Variants in ARHGAP6 observed in about 807,000 individuals in gnomAD.
ARHGAP6 encodes the protein Rho GTPase activating protein 6.
ARHGAP6 carries 16 observed loss-of-function variants against 55.7 expected under a neutral mutation model. The observed-to-expected ratio is 0.29, with a 90% CI of 0.19 to 0.44. The LOEUF is 0.44. Among genes scored for constraint, ARHGAP6 ranks in the 20% least tolerant of loss-of-function variants. ARHGAP6 has a pLI of 1.00. For missense variants in ARHGAP6, 698 were observed against 808.9 expected (o/e 0.86, Z 1.66); for synonymous variants, 382 against 360.9 (o/e 1.06, Z -0.66).
chrX:11,422,771 G>T (rs950486825), intron 1 of ARHGAP6, among the ~76,000 whole-genome samples: 2 of 112,516 alleles, frequency 1.8e-5, no homozygotes, highest in Non-Finnish European at 3.8e-5. Flanking sequence ...CTAGGCAAAG[G>T]GTGGTAATTG....
At chrX:11,475,389 A>T (rs1288223146) in intron 1 of ARHGAP6, among the ~76,000 whole-genome samples, 2 of 110,319 alleles carry the variant, frequency 1.8e-5, no homozygotes, top group African/African-American at 6.6e-5. Context: ...TTATTACTGA[A>T]TTTTTTCCTA....
intron 1 of ARHGAP6, among the ~76,000 whole-genome samples, chrX:11,450,255 C>A (rs2050132772): frequency 9.5e-6 from 1 of 105,703 alleles, no homozygotes; most frequent in Non-Finnish European, 1.9e-5. Context: ...CTTTTGCTAT[C>A]TATTGTATGT....
chrX:11,651,317 G>A (rs1328637344), intron 1 of ARHGAP6, among the ~76,000 whole-genome samples: 1 of 111,252 alleles, frequency 9.0e-6, no homozygotes, highest in Non-Finnish European at 1.9e-5. Flanking sequence ...AGGCCCCAGT[G>A]TCTGTTGTTC....
intron 1 of ARHGAP6, among the ~76,000 whole-genome samples, chrX:11,663,804 C>T (rs1401635876): frequency 8.9e-6 from 1 of 112,249 alleles, no homozygotes; most frequent in African/African-American, 3.2e-5. Flanking sequence ...GTCAATGACA[C>T]CCTCCAAAAT....
At chrX:11,243,829 C>T (rs1386168938) in intron 2 of ARHGAP6, among the ~76,000 whole-genome samples, 3 of 112,114 alleles carry the variant, frequency 2.7e-5, no homozygotes, top group African/African-American at 9.7e-5. Flanking sequence ...CATTGCATTC[C>T]AATTACCTAC....
intron 1 of ARHGAP6, among the ~76,000 whole-genome samples, chrX:11,486,730 TGGCATGAAGAG>T (rs1944758663): frequency 9.0e-6 from 1 of 111,447 alleles, no homozygotes; most frequent in South Asian, 3.8e-4. Context: ...CAAGCCCAAG[TGGCATGAAGAG>T]GGCATCCACA....
At chrX:11,348,594 T>C (rs2048817276) in intron 1 of ARHGAP6, among the ~76,000 whole-genome samples, 1 of 112,089 alleles carries the variant, frequency 8.9e-6, no homozygotes, top group African/African-American at 3.2e-5. Context: ...AATAAAATAA[T>C]AAGCACCTTG....
At chrX:11,190,522 T>TAC (rs3030651) in intron 3 of ARHGAP6, among the ~76,000 whole-genome samples, 16,769 of 104,186 alleles carry the variant, frequency 0.16, 1,203 homozygotes, top group Middle Eastern at 0.22. Context: ...TACACATACA[T>TAC]ACACACACAC....
At chrX:11,174,631 C>CTTTCT (rs2046167420) in intron 8 of ARHGAP6, among the ~76,000 whole-genome samples, 1 of 27,076 alleles carries the variant, frequency 3.7e-5, no homozygotes, top group Non-Finnish European at 6.4e-5. Flanking sequence ...TCTTTTCTTT[C>CTTTCT]TTTCTTTCTT....
Position 11,491,803 on chromosome X carries a change from G to T in ARHGAP6, c.588+172438C>A, listed in dbSNP as rs769067171. 5.0e-3 allele frequency among the ~76,000 whole-genome samples: 551 copies of T among 109,830 alleles called. 1 individual carries two copies. Among genetic ancestry groups the T allele is most frequent in the Non-Finnish European group, 7.3e-3 (385 of 52,751 alleles). ...GGAATCGCCACACTGACTTCCACAA[G>T]GGTTGAACTAGTTTACAGTCCCACC... On this transcript the variant is annotated intron_variant, in intron 1 of 12. Coordinates refer to ENST00000337414, the MANE Select transcript of ARHGAP6 (RefSeq NM_013427.3).
chrX:11,291,252 T>A (rs139566596), intron 1 of ARHGAP6, among the ~76,000 whole-genome samples: 1 of 112,038 alleles, frequency 8.9e-6, no homozygotes, highest in Admixed American at 9.5e-5. Flanking sequence ...GTCCTATGAT[T>A]CAGGATATGC....
intron 1 of ARHGAP6, among the ~76,000 whole-genome samples, chrX:11,584,681 C>T (rs1468052915): frequency 8.9e-6 from 1 of 111,746 alleles, no homozygotes; most frequent in South Asian, 3.7e-4. Flanking sequence ...ATATAAACAA[C>T]CTCATTTACT....
intron 2 of ARHGAP6, chrX:11,221,468 C>G: frequency 6.4e-6 from 1 of 155,724 alleles, no homozygotes; most frequent in Non-Finnish European, 1.4e-5. Context: ...GTGGACAAGA[C>G]TGTCTTAAAT....
intron 1 of ARHGAP6, among the ~76,000 whole-genome samples, chrX:11,461,115 A>G (rs2050239832): frequency 8.9e-6 from 1 of 111,938 alleles, no homozygotes; most frequent in Non-Finnish European, 1.9e-5. Flanking sequence ...CTTGGCCAGA[A>G]AGTAATACAT....
At chrX:11,391,467 AAAAAG>A (rs900197741) in intron 1 of ARHGAP6, among the ~76,000 whole-genome samples, 10 of 106,560 alleles carry the variant, frequency 9.4e-5, no homozygotes, top group Middle Eastern at 4.8e-3. Context: ...GTATGATTAA[AAAAAG>A]AAAAGAAAAG....
chrX:11,406,682 G>C (rs1029264406), intron 1 of ARHGAP6, among the ~76,000 whole-genome samples: 3 of 111,557 alleles, frequency 2.7e-5, no homozygotes, highest in African/African-American at 9.8e-5. Context: ...GTGTGCGTAG[G>C]GGGTATTGAA....
At chrX:11,481,595 C>A (rs1201108094) in intron 1 of ARHGAP6, among the ~76,000 whole-genome samples, 7 of 112,423 alleles carry the variant, frequency 6.2e-5, no homozygotes, top group Non-Finnish European at 9.4e-5. Flanking sequence ...AGAATGTGTG[C>A]CAAGTACAGT....
chrX:11,276,108 T>C (rs753994460), intron 1 of ARHGAP6, among the ~76,000 whole-genome samples: 2 of 111,312 alleles, frequency 1.8e-5, no homozygotes, highest in Admixed American at 9.5e-5. Flanking sequence ...TGATGTCTCA[T>C]TGAGGGAGGA....
At chrX:11,414,245 T>C (rs1222803875) in intron 1 of ARHGAP6, among the ~76,000 whole-genome samples, 1 of 112,427 alleles carries the variant, frequency 8.9e-6, no homozygotes, top group African/African-American at 3.2e-5. Flanking sequence ...TCTGCTATCA[T>C]AGTGTGAAAG....
Sources: gnomAD v4.1 joint callset for allele counts (sites outside exome capture counted in the v4.1 genomes callset) on GRCh38, gnomAD v4.1.1 for gene constraint, MANE v1.5 for transcripts, NCBI Gene and HGNC (gene_info 2026-07-23, HGNC 2026-07-21) for gene names.